CCDC88C: variants seen among roughly 807,000 people sequenced by gnomAD.
CCDC88C encodes the protein protein Daple.
CCDC88C carries 131 observed loss-of-function variants against 198.8 expected under a neutral mutation model. The observed-to-expected ratio is 0.66, with a 90% CI of 0.57 to 0.76. The LOEUF (loss-of-function observed/expected upper bound fraction) is 0.76, where lower values mean the gene tolerates loss of function less well. CCDC88C is among the 30% of genes least tolerant of loss of function. CCDC88C has a pLI of 0.00. For missense variants in CCDC88C, 2,553 were observed against 2,631.6 expected (o/e 0.97, Z 0.65); for synonymous variants, 1,166 against 1,114.7 (o/e 1.05, Z -0.92).
chr14:91,402,001 AT>A (rs1252603519), intron 3 of CCDC88C, among the ~76,000 whole-genome samples: 2 of 152,080 alleles, frequency 1.3e-5, no homozygotes, highest in African/African-American at 4.8e-5. Context: ...AAGATTTTCC[AT>A]GGTGGATCAT....
intron 4 of CCDC88C, among the ~76,000 whole-genome samples, chr14:91,357,109 G>A (rs1212251890): frequency 6.6e-6 from 1 of 152,218 alleles, no homozygotes; most frequent in African/African-American, 2.4e-5. Flanking sequence ...GGCGGACAGA[G>A]CAGGTTTCCA....
rs929079621 is a variant in CCDC88C, at chr14:91,352,833, C to T, written c.340+6809G>A. On this transcript the variant is annotated intron_variant, in intron 4 of 29. Coordinates refer to ENST00000389857, the MANE Select transcript of CCDC88C (RefSeq NM_001080414.4). This position sits in a 1 kb window ranked among gnomAD's most constrained non-coding sequence, Gnocchi z 4.2. ...GGCAGGACTGGGAGGGCCGCAGGGC[C>T]AGGAAGACAGGGCTTTTGATTTTTA... Among the ~76,000 whole-genome samples, 38 of 152,296 alleles carry T rather than the reference C, an allele frequency of 2.5e-4. No homozygotes were observed. The highest frequency in any genetic ancestry group is 2.3e-3 in the Admixed American group (35 of 15,300).
intron 29 of CCDC88C, among the ~76,000 whole-genome samples, chr14:91,276,199 C>A (rs191383058): frequency 6.6e-6 from 1 of 152,226 alleles, no homozygotes; most frequent in Admixed American, 6.5e-5. Flanking sequence ...AAATTCTCAG[C>A]GAGCCCAACC....
intron 6 of CCDC88C, 158 bp downstream of exon 6, chr14:91,342,222 T>C (rs922562523): frequency 1.1e-5 from 5 of 444,692 alleles, no homozygotes; most frequent in African/African-American, 8.0e-5. Context: ...TCTTTCCAAA[T>C]AGAATCAATG....
intron 12 of CCDC88C, among the ~76,000 whole-genome samples, chr14:91,323,009 G>A (rs1214623768): frequency 6.7e-6 from 1 of 150,286 alleles, no homozygotes; most frequent in Non-Finnish European, 1.5e-5. Context: ...AGGTTCAAGC[G>A]ATTCTCCGGC....
Position 91,272,671 on chromosome 14 carries a change from G to C in CCDC88C, c.6041C>G (p.Pro2014Arg). 1 of 1,611,684 alleles carries C rather than the reference G, an allele frequency of 6.2e-7. No individual in the cohort carries two copies. The highest frequency in any genetic ancestry group is 8.5e-7 in the Non-Finnish European group (1 of 1,179,882). ...CCACACGGTCTGCGGATCCCCGCCG[G>C]GCTCCGGGGAGGCCGGACTGCTCTT... ...VSKSSPASPE[P>R]GGDPQTVWYE... is the part of the protein sequence containing the mutation. Residue 2014 changes from proline (P) to arginine (R), a missense_variant, in exon 30 of 30, where the codon CCC (proline) becomes CGC (arginine). Physicochemically the swap from Pro to Arg is moderately radical, Grantham distance 103. This residue lies in a region of CCDC88C where 1,293 missense variants were observed against 1,219.6 expected (regional missense o/e 1.06). Coordinates refer to ENST00000389857, the MANE Select transcript of CCDC88C (RefSeq NM_001080414.4).
chr14:91,313,064 G>C lies in CCDC88C; in HGVS notation c.2736+16C>G. 6.4e-7 allele frequency: 1 copy of C among 1,555,930 alleles called. No individual in the cohort carries two copies. On this transcript the variant is annotated intron_variant, in intron 15 of 29. Coordinates refer to ENST00000389857, the MANE Select transcript of CCDC88C (RefSeq NM_001080414.4). The surrounding 1 kb of genome is among the most constrained non-coding windows in gnomAD (Gnocchi z 5.2). ...ATCTGCCAATCCCCTTACAGGCGCC[G>C]CCTGTGTTTGCTCACCTCCCTCAGA... is the stretch of plus-strand genomic sequence containing the variant.
chr14:91,311,130 G>GGTCAAGCA lies in CCDC88C; in HGVS notation c.2737-1152_2737-1145dup, dbSNP rs1201628623. On this transcript the variant is annotated intron_variant, in intron 15 of 29. Transcript: ENST00000389857. Reference sequence around the variant, plus strand: ...GAGATCAAAACAGCCTGGACTGCTGGGTCAAGCAGAGGACAGACTCCCTGA... The same window carrying GGTCAAGCA: ...GAGATCAAAACAGCCTGGACTGCTGGGTCAAGCAGTCAAGCAGAGGACAGACTCCCTGA... 5.9e-5 allele frequency among the ~76,000 whole-genome samples: 9 copies of GGTCAAGCA among 152,290 alleles called. No homozygotes were observed. In the South Asian group the frequency reaches 1.9e-3, roughly 32 times the overall value.
At chr14:91,297,030 C>T (rs1308161472) in intron 22 of CCDC88C, among the ~76,000 whole-genome samples, 1 of 152,294 alleles carries the variant, frequency 6.6e-6, no homozygotes, top group African/African-American at 2.4e-5. Context: ...CTAAGAGGAT[C>T]GAGATAAAAC....
Position 91,303,692 on chromosome 14 carries a change from A to AG in CCDC88C, c.3635+8dup. 4.0e-6 allele frequency: 6 copies of AG among 1,505,876 alleles called. No individual in the cohort carries two copies. Among genetic ancestry groups the AG allele is most frequent in the Non-Finnish European group, 5.3e-6 (6 of 1,122,750 alleles). 93.3% of individuals were successfully genotyped at this position (1,505,876 alleles called of 1,614,324 possible). The stretch of plus-strand genomic sequence containing the variant: ...CCTCCCCAGATCCCCTTCCTTCCCC[A>AG]GGCCCTACCTCTCCCCGAGCTCCTT... On this transcript the variant is annotated intron_variant, in intron 20 of 29. Coordinates refer to ENST00000389857, the MANE Select transcript of CCDC88C (RefSeq NM_001080414.4).
At position 91,297,497 on chromosome 14, in the gene CCDC88C, G is replaced by T. The variant is rs779374097; in HGVS notation, c.3780-6C>A. On this transcript the variant is annotated splice_polypyrimidine_tract_variant and splice_region_variant and intron_variant, in intron 21 of 29. Coordinates refer to ENST00000389857, the MANE Select transcript of CCDC88C (RefSeq NM_001080414.4). The stretch of plus-strand genomic sequence containing the variant: ...GGTGGTGCAGGAAATTGACCCTGGA[G>T]GAGGAAGAGTCACAGGGCAAAGGAG... 2 of 1,552,738 alleles carry T rather than the reference G, an allele frequency of 1.3e-6. No individual in the cohort carries two copies. Among genetic ancestry groups the T allele is most frequent in the Non-Finnish European group, 1.7e-6 (2 of 1,147,620 alleles).
intron 4 of CCDC88C, among the ~76,000 whole-genome samples, chr14:91,343,884 C>A (rs959649243): frequency 6.6e-6 from 1 of 151,982 alleles, no homozygotes; most frequent in Non-Finnish European, 1.5e-5. Flanking sequence ...CAGTGGCAGG[C>A]CCACAGCTCA....
rs750542948 is a variant in CCDC88C, at chr14:91,283,376, G to A, written c.4583C>T (p.Ala1528Val). Residue 1528 changes from alanine (A) to valine (V), a missense_variant, in exon 26 of 30, where the codon GCC (alanine) becomes GTC (valine). By Grantham distance (64) the Ala-to-Val change is moderately conservative. This residue lies in a region of CCDC88C where 1,293 missense variants were observed against 1,219.6 expected (regional missense o/e 1.06). Coordinates refer to ENST00000389857, the MANE Select transcript of CCDC88C (RefSeq NM_001080414.4). The stretch of plus-strand genomic sequence containing the variant: ...GGCGATGGGGGTGGAGTTGGAAGGG[G>A]CTGTAGTGGTGGCTGAAGTTGAGCA... ...RTCSTSATTT[A>V]PSNSTPIARH... 1 of 1,613,866 alleles carries A rather than the reference G, an allele frequency of 6.2e-7. No homozygotes were observed. Among genetic ancestry groups the A allele is most frequent in the South Asian group, 1.1e-5 (1 of 91,042 alleles).
In CCDC88C at chr14:91,289,207, C is replaced by G. The variant is rs770915428; in HGVS notation, c.4339G>C (p.Ala1447Pro). 4.3e-6 allele frequency: 7 copies of G among 1,613,868 alleles called. No homozygotes were observed. Among genetic ancestry groups the G allele is most frequent in the Non-Finnish European group, 5.9e-6 (7 of 1,179,882 alleles). Residue 1447 changes from alanine (A) to proline (P), a missense_variant, in exon 25 of 30, where the codon GCC becomes CCC. By Grantham distance (27) the Ala-to-Pro change is conservative. Transcript: ENST00000389857. ...GCCTGTGATCTGAGCGGCTGAGAGG[C>G]CGCCGGCGAGGCGGGGTCTGAGGAC... ...LESSDPASPA[A>P]SQPLRSQAEN...
At chr14:91,415,668 T>C (rs923605276) in intron 2 of CCDC88C, among the ~76,000 whole-genome samples, 2 of 150,380 alleles carry the variant, frequency 1.3e-5, no homozygotes, top group Admixed American at 1.3e-4. Context: ...TGTGGTGAGC[T>C]GAGATCACGC....
At chr14:91,333,619 C>T (rs536153187) in intron 10 of CCDC88C, among the ~76,000 whole-genome samples, 1 of 152,202 alleles carries the variant, frequency 6.6e-6, no homozygotes, top group Non-Finnish European at 1.5e-5. Context: ...CTTTGTTCTT[C>T]GCTTGCCTTT....
chr14:91,369,368 G>A (rs753868948), intron 3 of CCDC88C, among the ~76,000 whole-genome samples: 4 of 152,066 alleles, frequency 2.6e-5, no homozygotes, highest in South Asian at 2.1e-4. Context: ...CGTCATGTCC[G>A]GCTAATTTTC....
intron 10 of CCDC88C, among the ~76,000 whole-genome samples, chr14:91,326,832 CTT>C (rs1231919554): frequency 3.3e-5 from 5 of 152,216 alleles, no homozygotes; most frequent in Non-Finnish European, 7.3e-5. Flanking sequence ...TACAAACACT[CTT>C]AGATAACAAA....
At chr14:91,275,947 G>A (rs550623267) in intron 29 of CCDC88C, among the ~76,000 whole-genome samples, 7 of 145,414 alleles carry the variant, frequency 4.8e-5, no homozygotes, top group African/African-American at 7.7e-5. Flanking sequence ...TCAGCCTCCC[G>A]TGTAGCTGGG....
Sources: gnomAD v4.1 joint callset for allele counts (sites outside exome capture counted in the v4.1 genomes callset) on GRCh38, gnomAD v4.1.1 for gene constraint, gnomAD v4.1.1 regional missense constraint, Gnocchi (gnomAD v3.1) non-coding constraint, MANE v1.5 for transcripts, NCBI Gene and HGNC (gene_info 2026-07-23, HGNC 2026-07-21) for gene names.